LRFN5: variants seen among roughly 807,000 people sequenced by gnomAD.
The protein encoded by LRFN5 is leucine rich repeat and fibronectin type III domain containing 5, also known as leucine-rich repeat and fibronectin type-III domain-containing protein 5.
LRFN5 carries 24 observed loss-of-function variants against 45.6 expected under a neutral mutation model. The ratio of observed to expected loss-of-function variants is 0.53; its 90% CI spans 0.38 to 0.74. The LOEUF is 0.74. Ranked by LOEUF, LRFN5 falls within the 30% of genes least tolerant of loss-of-function variation. The pLI is 0.00. For synonymous variants in LRFN5, 340 were observed against 313.8 expected (o/e 1.08, Z -0.88); for missense variants, 776 against 861.5 (o/e 0.90, Z 1.24).
intron 1 of LRFN5, among the ~76,000 whole-genome samples, chr14:41,765,843 TATTAA>T (rs1361854424): frequency 6.6e-6 from 1 of 152,182 alleles, no homozygotes; most frequent in Non-Finnish European, 1.5e-5. Flanking sequence ...ACCATATCAG[TATTAA>T]ATTAAGCAAT....
intron 2 of LRFN5, among the ~76,000 whole-genome samples, chr14:41,804,056 G>T (rs1423098002): frequency 6.6e-6 from 1 of 152,056 alleles, no homozygotes; most frequent in Non-Finnish European, 1.5e-5. Flanking sequence ...TAGAGGCGGG[G>T]TTTCACCATG....
chr14:41,873,647 T>C (rs974501754), intron 2 of LRFN5, among the ~76,000 whole-genome samples: 1 of 152,136 alleles, frequency 6.6e-6, no homozygotes, highest in Admixed American at 6.6e-5. Flanking sequence ...GAGACTCAGC[T>C]ATTCAATTTG....
At chr14:41,670,282 TATATATATATATATATATATATACACAC>T (rs1881133947) in intron 1 of LRFN5, among the ~76,000 whole-genome samples, 1 of 75,586 alleles carries the variant, frequency 1.3e-5, no homozygotes, top group African/African-American at 6.8e-5. Context: ...TATATATATA[TATATATATATATATATATATATACACAC>T]ACACAGAAAG....
At chr14:41,617,801 G>T (rs935251116) in intron 1 of LRFN5, among the ~76,000 whole-genome samples, 3 of 152,144 alleles carry the variant, frequency 2.0e-5, no homozygotes, top group African/African-American at 7.2e-5. Flanking sequence ...GGACTGGTAT[G>T]CTGTAAGTAA....
chr14:41,871,603 C>T (rs568049919), intron 2 of LRFN5, among the ~76,000 whole-genome samples: 5 of 151,688 alleles, frequency 3.3e-5, no homozygotes, highest in Admixed American at 6.6e-5. Flanking sequence ...AAAAAAAATC[C>T]CAAATTTATA....
intron 2 of LRFN5, among the ~76,000 whole-genome samples, chr14:41,827,296 A>G (rs775539343): frequency 6.6e-6 from 1 of 152,092 alleles, no homozygotes; most frequent in African/African-American, 2.4e-5. Flanking sequence ...TATGATGGCA[A>G]TTGCATTTCT....
At chr14:41,636,951 G>A (rs1879335215) in intron 1 of LRFN5, among the ~76,000 whole-genome samples, 1 of 152,172 alleles carries the variant, frequency 6.6e-6, no homozygotes, top group South Asian at 2.1e-4. Context: ...ATGAATCACT[G>A]AGTAAATATT....
intron 1 of LRFN5, among the ~76,000 whole-genome samples, chr14:41,625,888 G>A (rs1427461459): frequency 2.0e-5 from 3 of 151,988 alleles, no homozygotes; most frequent in African/African-American, 7.2e-5. Context: ...AAATTAAATA[G>A]GTCTATATTT....
intron 1 of LRFN5, among the ~76,000 whole-genome samples, chr14:41,610,799 T>A (rs933531180): frequency 3.3e-5 from 5 of 151,758 alleles, no homozygotes; most frequent in African/African-American, 1.2e-4. Context: ...TTTTAATGAA[T>A]TTACTTCTAA....
rs1042878083 is a variant in LRFN5 at position 41,696,633 on chromosome 14, G to A, written c.-196-70221G>A. On this transcript the variant is annotated intron_variant, in intron 1 of 5. Transcript: ENST00000298119. The stretch of plus-strand genomic sequence containing the variant: ...ATAGTAGTTCTAAGGTTAGTTTTTG[G>A]GGGACCTCCATAACATTTTCCACAA... 2.7e-5 allele frequency among the ~76,000 whole-genome samples: 4 copies of A among 150,736 alleles called. No individual in the cohort carries two copies. The Admixed American group carries it at 2.7e-4, about 10-fold the overall frequency.
chr14:41,814,776 T>C (rs868279202), intron 2 of LRFN5, among the ~76,000 whole-genome samples: 1 of 143,496 alleles, frequency 7.0e-6, no homozygotes, highest in Non-Finnish European at 1.5e-5. Flanking sequence ...GTTAGACAAA[T>C]GGACAAATTG....
intron 2 of LRFN5, among the ~76,000 whole-genome samples, chr14:41,866,055 T>A (rs1889828592): frequency 6.6e-6 from 1 of 152,166 alleles, no homozygotes; most frequent in South Asian, 2.1e-4. Context: ...AAGGTTTAAA[T>A]TTTGATGACC....
chr14:41,872,617 C>T (rs1372910509), intron 2 of LRFN5, among the ~76,000 whole-genome samples: 2 of 152,132 alleles, frequency 1.3e-5, no homozygotes, highest in South Asian at 2.1e-4. Context: ...TGCTAGGGTT[C>T]CACACATTAT....
At chr14:41,732,976 T>G (rs1390228689) in intron 1 of LRFN5, among the ~76,000 whole-genome samples, 2 of 151,666 alleles carry the variant, frequency 1.3e-5, no homozygotes, top group Admixed American at 6.6e-5. Context: ...TATAGAAAGA[T>G]TTCATCAGGC....
rs190499293 is a variant in LRFN5 at position 41,839,883 on chromosome 14, T to G, written c.-20-46723T>G. On this transcript the variant is annotated intron_variant, in intron 2 of 5. Transcript: ENST00000298119. Reference sequence around the variant, plus strand: ...GTGCACATATTCATAGCTTTGATAATACAGAGGGGAACAGCCAAAGAATCA... The same window carrying G: ...GTGCACATATTCATAGCTTTGATAAGACAGAGGGGAACAGCCAAAGAATCA... Among the ~76,000 whole-genome samples, 250 of 152,222 alleles carry G rather than the reference T, an allele frequency of 1.6e-3. 2 individuals are homozygous for G. The highest frequency in any genetic ancestry group is 5.8e-3 in the South Asian group (28 of 4,822).
At chr14:41,867,615 A>C (rs1447127907) in intron 2 of LRFN5, among the ~76,000 whole-genome samples, 1 of 152,112 alleles carries the variant, frequency 6.6e-6, no homozygotes, top group African/African-American at 2.4e-5. Flanking sequence ...TCATGTGTAC[A>C]TCATCCCAGC....
intron 1 of LRFN5, among the ~76,000 whole-genome samples, chr14:41,731,615 C>G (rs938577899): frequency 6.6e-6 from 1 of 152,048 alleles, no homozygotes; most frequent in Non-Finnish European, 1.5e-5. Context: ...ACCATTCTAC[C>G]CTAAAATTGT....
At chr14:41,812,165 T>G (rs971926717) in intron 2 of LRFN5, among the ~76,000 whole-genome samples, 1 of 152,056 alleles carries the variant, frequency 6.6e-6, no homozygotes, top group Non-Finnish European at 1.5e-5. Context: ...TTAAACTGAG[T>G]TATTACCTTA....
chr14:41,626,033 A>G (rs1888318859), intron 1 of LRFN5, among the ~76,000 whole-genome samples: 1 of 152,120 alleles, frequency 6.6e-6, no homozygotes, highest in Admixed American at 6.6e-5. Flanking sequence ...GGAAGGATAC[A>G]TACATAGGCA....
Sources: gnomAD v4.1 joint callset for allele counts (sites outside exome capture counted in the v4.1 genomes callset) on GRCh38, gnomAD v4.1.1 for gene constraint, MANE v1.5 for transcripts, NCBI Gene and HGNC (gene_info 2026-07-23, HGNC 2026-07-21) for gene names.